SCARA3: variants seen among roughly 807,000 people sequenced by gnomAD.
SCARA3 encodes the protein cellular stress response gene protein.
Under a neutral mutation model 47.0 loss-of-function variants are expected in SCARA3, and 39 were observed. That is an observed-to-expected ratio of 0.83 (90% CI 0.64 to 1.08). SCARA3 has a LOEUF of 1.08. Among genes scored for constraint, SCARA3 ranks in the 50% least tolerant of loss-of-function variants. The pLI, the probability that SCARA3 is intolerant of heterozygous loss-of-function variation, is 0.00. For synonymous variants in SCARA3, 356 were observed against 334.1 expected (o/e 1.07, Z -0.71); for missense variants, 724 against 792.3 (o/e 0.91, Z 1.04).
Position 27,671,649 on chromosome 8 carries a change from C to A in SCARA3, c.*298C>A. 9.0e-7 allele frequency: 1 copy of A among 1,112,054 alleles called. No individual in the cohort carries two copies. Among genetic ancestry groups the A allele is most frequent in the Non-Finnish European group, 1.1e-6 (1 of 907,660 alleles). 68.9% of individuals were successfully genotyped at this position (1,112,054 alleles called of 1,614,324 possible). On this transcript the variant is annotated 3_prime_UTR_variant, in exon 6 of 6. Transcript: ENST00000301904. ...ACACAGGCATACATGCATGCACACA[C>A]ACATGCACGCACACACACATGCACA...
the SCARA3 span, chr8:27,701,831 A>C: frequency 6.5e-6 from 1 of 154,214 alleles, no homozygotes; most frequent in East Asian, 2.0e-4. Context: ...GTGACCAACC[A>C]ACCAAGTATG....
At position 27,652,023 on chromosome 8, in the gene SCARA3, T is replaced by A. The variant is rs34565543; in HGVS notation, c.226+396T>A. Among the ~76,000 whole-genome samples the A allele has an allele frequency of 4.6e-3, 700 of 152,306 alleles. 4 individuals carry two copies. The highest frequency in any genetic ancestry group is 0.016 in the African/African-American group (664 of 41,580). ...GATGATTCTGTTGTTCACCCAGGGT[T>A]GAGATCACTGGATTGAGTGACTTCT... is the stretch of plus-strand genomic sequence containing the variant. On this transcript the variant is annotated intron_variant, in intron 3 of 5. Coordinates refer to ENST00000301904, the MANE Select transcript of SCARA3 (RefSeq NM_016240.3).
rs547599830 is a variant in SCARA3, at chr8:27,658,179, T to G, written c.326-317T>G. Among the ~76,000 whole-genome samples, 32 of 152,316 alleles carry G rather than the reference T, an allele frequency of 2.1e-4. No homozygotes were observed. The South Asian group carries it at 4.8e-3, about 23-fold the overall frequency. The stretch of plus-strand genomic sequence containing the variant: ...AGATATAAAAATACTGGGAGAAATT[T>G]TTAAATAAAGTTTAAATGGGAAGTT... On this transcript the variant is annotated intron_variant, in intron 4 of 5. Transcript: ENST00000301904.
chr8:27,668,618 G>A (rs1802074307), intron 5 of SCARA3, among the ~76,000 whole-genome samples: 1 of 151,842 alleles, frequency 6.6e-6, no homozygotes. Context: ...CCAAAACTTT[G>A]GGAGGCCAAG....
At chr8:27,662,624 T>C (rs1801935630) in intron 5 of SCARA3, among the ~76,000 whole-genome samples, 1 of 152,178 alleles carries the variant, frequency 6.6e-6, no homozygotes, top group Admixed American at 6.5e-5. Context: ...GCCCTTTCCA[T>C]GATGGAAATG....
chr8:27,725,760 A>G, the SCARA3 span, among the ~76,000 whole-genome samples: 2 of 152,066 alleles, frequency 1.3e-5, no homozygotes, highest in Admixed American at 1.3e-4. Flanking sequence ...CCAAACAGGG[A>G]AGAGTTGGGG....
At chr8:27,643,393 G>A (rs994847183) in intron 1 of SCARA3, among the ~76,000 whole-genome samples, 18 of 152,158 alleles carry the variant, frequency 1.2e-4, no homozygotes, top group African/African-American at 4.3e-4. Flanking sequence ...ACCAAAAAAG[G>A]GGCGAGTGCT....
the SCARA3 span, among the ~76,000 whole-genome samples, chr8:27,714,440 G>T: frequency 1.3e-5 from 2 of 152,026 alleles, no homozygotes; most frequent in South Asian, 2.1e-4. Flanking sequence ...TGATCCACCC[G>T]CCTCGGCCTC....
At chr8:27,711,617 C>T in the SCARA3 span, among the ~76,000 whole-genome samples, 1 of 152,160 alleles carries the variant, frequency 6.6e-6, no homozygotes, top group African/African-American at 2.4e-5. Context: ...AGGAAGTACT[C>T]ATTGCTACTG....
chr8:27,691,987 C>T, the SCARA3 span, among the ~76,000 whole-genome samples: 60 of 152,150 alleles, frequency 3.9e-4, no homozygotes, highest in African/African-American at 1.3e-3. Flanking sequence ...AAGGAATGGA[C>T]CCCTCCTCTC....
At chr8:27,641,034 A>G (rs899332096) in intron 1 of SCARA3, among the ~76,000 whole-genome samples, 1 of 152,214 alleles carries the variant, frequency 6.6e-6, no homozygotes, top group South Asian at 2.1e-4. Context: ...AACATCCCAT[A>G]GTAAGACTCT....
chr8:27,687,377 A>G, the SCARA3 span, among the ~76,000 whole-genome samples: 3 of 152,144 alleles, frequency 2.0e-5, no homozygotes, highest in Admixed American at 2.0e-4. Context: ...CCCTGCTCTA[A>G]CCAGTCTCCT....
chr8:27,699,255 A>T, the SCARA3 span, among the ~76,000 whole-genome samples: 7 of 139,618 alleles, frequency 5.0e-5, no homozygotes, highest in East Asian at 4.1e-4. Flanking sequence ...AATAAAAATT[A>T]AAAAAAAAAA....
At chr8:27,673,713 G>A (rs1231899058), downstream of SCARA3, among the ~76,000 whole-genome samples, 1 of 152,058 alleles carries the variant, frequency 6.6e-6, no homozygotes, top group Admixed American at 6.6e-5. Flanking sequence ...ACCTGACAAT[G>A]TTCAACACAC....
intron 1 of SCARA3, among the ~76,000 whole-genome samples, chr8:27,647,224 G>A (rs1443447441): frequency 6.6e-6 from 1 of 152,052 alleles, no homozygotes; most frequent in Non-Finnish European, 1.5e-5. Context: ...CACATGCATC[G>A]GACACACCCT....
intron 5 of SCARA3, among the ~76,000 whole-genome samples, chr8:27,666,129 G>T (rs1802010191): frequency 6.6e-6 from 1 of 152,236 alleles, no homozygotes; most frequent in African/African-American, 2.4e-5. Context: ...ACCTGCGGAG[G>T]TGGCAGTGAA....
intron 4 of SCARA3, among the ~76,000 whole-genome samples, chr8:27,657,949 A>T (rs1207903371): frequency 1.3e-5 from 2 of 152,042 alleles, no homozygotes; most frequent in African/African-American, 4.8e-5. Flanking sequence ...GATGTTCTTT[A>T]TCCCCTGCTT....
In SCARA3 at chr8:27,660,675, ATAGTG is replaced by A. The variant is rs1219343164; in HGVS notation, c.1369+1140_1369+1144del. The stretch of plus-strand genomic sequence containing the variant: ...AGATAGATCTAGAGAAACAGAATCA[ATAGTG>A]TAGAGTGATAGATGATAGATAGATA... On this transcript the variant is annotated intron_variant, in intron 5 of 5. Transcript: ENST00000301904. Among the ~76,000 whole-genome samples the A allele has an allele frequency of 2.1e-5, 3 of 139,798 alleles. No homozygotes were observed. In the East Asian group the frequency reaches 6.6e-4, roughly 31 times the overall value. 91.7% of individuals were successfully genotyped at this position (139,798 alleles called of 152,430 possible). A position where few individuals can be genotyped will look rare whatever the true frequency, so the allele number is the denominator to read the frequency against.
the SCARA3 span, among the ~76,000 whole-genome samples, chr8:27,721,830 G>A: frequency 7.9e-5 from 12 of 152,134 alleles, no homozygotes; most frequent in Non-Finnish European, 1.2e-4. Context: ...CCAGCACCTC[G>A]GGAAGCCAAG....
Sources: gnomAD v4.1 joint callset for allele counts (sites outside exome capture counted in the v4.1 genomes callset) on GRCh38, gnomAD v4.1.1 for gene constraint, MANE v1.5 for transcripts, NCBI Gene and HGNC (gene_info 2026-07-23, HGNC 2026-07-21) for gene names.